The following CMTM7 variants were observed in gnomAD, a reference collection of about 807,000 sequenced individuals.
CMTM7 encodes CKLF like MARVEL transmembrane domain containing 7.
A neutral mutation model predicts 19.3 loss-of-function variants in CMTM7; 7 were observed. The ratio of observed to expected loss-of-function variants is 0.36; its 90% CI spans 0.21 to 0.68. The LOEUF (loss-of-function observed/expected upper bound fraction) is 0.68, where lower values mean the gene tolerates loss of function less well. Ranked by LOEUF, CMTM7 falls within the 30% of genes least tolerant of loss-of-function variation. CMTM7 has a pLI of 0.60. For missense variants in CMTM7, 193 were observed against 232.6 expected (o/e 0.83, Z 1.11); for synonymous variants, 87 against 99.3 (o/e 0.88, Z 0.74).
At chr3:32,423,501 G>A (rs1245320342) in intron 1 of CMTM7, among the ~76,000 whole-genome samples, 1 of 152,176 alleles carries the variant, frequency 6.6e-6, no homozygotes, top group African/African-American at 2.4e-5. Context: ...CTCCTTCTCG[G>A]TTTCTGTGGC....
At chr3:32,418,636 C>A (rs1696301181) in intron 1 of CMTM7, among the ~76,000 whole-genome samples, 1 of 152,186 alleles carries the variant, frequency 6.6e-6, no homozygotes, top group Admixed American at 6.5e-5. Context: ...GTTTTTCTAG[C>A]ACTACTTGTT....
chr3:32,443,573 G>C (rs1343857293), intron 2 of CMTM7, among the ~76,000 whole-genome samples: 2 of 151,956 alleles, frequency 1.3e-5, no homozygotes, highest in Non-Finnish European at 2.9e-5. Context: ...ATTTTTCTCT[G>C]GTATGTATCT....
chr3:32,416,554 C>T (rs953535277), intron 1 of CMTM7, among the ~76,000 whole-genome samples: 1 of 149,296 alleles, frequency 6.7e-6, no homozygotes, highest in African/African-American at 2.5e-5. Flanking sequence ...CCGCGCCCGG[C>T]TAATTTTTTG....
At chr3:32,423,829 C>T (rs1487134833) in intron 1 of CMTM7, among the ~76,000 whole-genome samples, 1 of 152,214 alleles carries the variant, frequency 6.6e-6, no homozygotes, top group Non-Finnish European at 1.5e-5. Context: ...GCCAGCCCCC[C>T]AGGTGCAGGT....
chr3:32,422,508 C>T (rs1696359898), intron 1 of CMTM7, among the ~76,000 whole-genome samples: 1 of 152,236 alleles, frequency 6.6e-6, no homozygotes, highest in Admixed American at 6.5e-5. Context: ...CAACCAGTGC[C>T]GTCTCGTAGC....
At chr3:32,420,847 G>C (rs559759616) in intron 1 of CMTM7, among the ~76,000 whole-genome samples, 4 of 152,322 alleles carry the variant, frequency 2.6e-5, no homozygotes, top group African/African-American at 9.6e-5. Context: ...CTGCCTGCTT[G>C]CTTGACTCAG....
chr3:32,425,281 A>G (rs1696413559), intron 1 of CMTM7, among the ~76,000 whole-genome samples: 1 of 152,154 alleles, frequency 6.6e-6, no homozygotes, highest in African/African-American at 2.4e-5. Context: ...AAAAAAGCTT[A>G]TGTCTCAGCA....
At chr3:32,436,352 C>T (rs963145608) in intron 1 of CMTM7, among the ~76,000 whole-genome samples, 4 of 152,080 alleles carry the variant, frequency 2.6e-5, no homozygotes, top group African/African-American at 9.7e-5. Flanking sequence ...CAGGGAGGCA[C>T]GGGTGAATCT....
At chr3:32,416,347 C>A (rs1262372079) in intron 1 of CMTM7, among the ~76,000 whole-genome samples, 1 of 147,696 alleles carries the variant, frequency 6.8e-6, no homozygotes, top group Non-Finnish European at 1.5e-5. Context: ...AGACGTGCGC[C>A]ACCATCCGGG....
chr3:32,413,655 G>A (rs685767), intron 1 of CMTM7, among the ~76,000 whole-genome samples: 63,833 of 151,968 alleles, frequency 0.42, 13,675 homozygotes, highest in South Asian at 0.48. Flanking sequence ...GGTTTGACAC[G>A]ATAGCTTTCT....
chr3:32,421,286 A>G (rs990125316), intron 1 of CMTM7, among the ~76,000 whole-genome samples: 2 of 151,908 alleles, frequency 1.3e-5, no homozygotes, highest in African/African-American at 4.8e-5. Flanking sequence ...CCCACCTAGC[A>G]TATCTACTTC....
At chr3:32,394,930 A>C (rs917863520) in intron 1 of CMTM7, among the ~76,000 whole-genome samples, 1 of 151,570 alleles carries the variant, frequency 6.6e-6, no homozygotes, top group African/African-American at 2.4e-5. Flanking sequence ...TCTTGACCTC[A>C]TGATCCGCCC....
chr3:32,439,201 C>T (rs12152273), intron 1 of CMTM7, among the ~76,000 whole-genome samples: 17,719 of 152,192 alleles, frequency 0.12, 1,358 homozygotes, highest in Middle Eastern at 0.18. Flanking sequence ...AAAACACTTG[C>T]GTTGCTCATT....
chr3:32,409,677 T>A (rs1224232523), intron 1 of CMTM7, among the ~76,000 whole-genome samples: 1 of 152,196 alleles, frequency 6.6e-6, no homozygotes, highest in Non-Finnish European at 1.5e-5. Flanking sequence ...TGTCCCTTCA[T>A]TGGATATTAA....
intron 3 of CMTM7, 74 bp from the exon 4 acceptor site, chr3:32,452,318 T>C: frequency 6.2e-7 from 1 of 1,611,576 alleles, no homozygotes; most frequent in East Asian, 2.2e-5. Flanking sequence ...AGCACAGAGA[T>C]GAGAAGCAGA....
At chr3:32,418,567 A>G (rs1303566630) in intron 1 of CMTM7, among the ~76,000 whole-genome samples, 3 of 152,228 alleles carry the variant, frequency 2.0e-5, no homozygotes, top group African/African-American at 7.2e-5. Flanking sequence ...GTTTTGAATT[A>G]ATTTTTGCAT....
chr3:32,452,137 C>T, intron 3 of CMTM7: 1 of 1,479,980 alleles, frequency 6.8e-7, no homozygotes, highest in East Asian at 2.8e-5. Flanking sequence ...CTGAAGCTGC[C>T]AAGAGTGAAG....
intron 1 of CMTM7, among the ~76,000 whole-genome samples, chr3:32,430,866 T>C (rs1391480257): frequency 6.6e-6 from 1 of 152,088 alleles, no homozygotes. Flanking sequence ...TTTACTCACC[T>C]CTCCTCTAGA....
chr3:32,411,094 T>C (rs181943076), intron 1 of CMTM7, among the ~76,000 whole-genome samples: 50 of 152,362 alleles, frequency 3.3e-4, no homozygotes, highest in African/African-American at 1.0e-3. Flanking sequence ...GTCCCAGCTC[T>C]GTGTCAGCCG....
Sources: allele counts gnomAD v4.1 joint callset (sites outside exome capture counted in the v4.1 genomes callset), GRCh38; gene constraint gnomAD v4.1.1; transcripts MANE v1.5; gene names NCBI Gene and HGNC (gene_info 2026-07-23, HGNC 2026-07-21).